HSF4: variants seen among roughly 807,000 people sequenced by gnomAD.
HSF4 encodes heat shock factor protein 4.
Under a neutral mutation model 52.0 loss-of-function variants are expected in HSF4, and 41 were observed. That is an observed-to-expected ratio of 0.79 (90% CI 0.61 to 1.02). The LOEUF (loss-of-function observed/expected upper bound fraction) is 1.02. Ranked by LOEUF, HSF4 falls within the 50% of genes least tolerant of loss-of-function variation. The pLI is 0.00. For synonymous variants in HSF4, 285 were observed against 273.0 expected, an observed-to-expected ratio of 1.04 and a Z score of -0.43; for missense variants, 610 against 651.1, an observed-to-expected ratio of 0.94 and a Z score of 0.69.
upstream of HSF4, chr16:67,163,872 A>T: frequency 7.5e-7 from 1 of 1,338,742 alleles, no homozygotes; most frequent in Non-Finnish European, 9.5e-7. Flanking sequence ...CTGAGAGGGA[A>T]CGGGGGGGGT....
Position 67,168,880 on chromosome 16 carries a change from C to T in HSF4, c.1132C>T (p.Pro378Ser), listed in dbSNP as rs183968834. 73 of 1,614,040 alleles carry T rather than the reference C, an allele frequency of 4.5e-5. No homozygotes were observed. In the African/African-American group the frequency reaches 8.9e-4, roughly 20 times the overall value. Residue 378 changes from proline (P) to serine (S), a missense_variant, in exon 10 of 13, where the codon CCT becomes TCT. By Grantham distance (74) the Pro-to-Ser change is moderately conservative. Coordinates refer to ENST00000521374, the MANE Select transcript of HSF4 (RefSeq NM_001374675.1). The part of the protein sequence containing the change: ...SGDRSPESLL[P>S]PMLLQPPQES... ...GGACAGGAGCCCAGAGAGTCTGCTGCCTCCGATGCTGCTTCAGCCCCCTCA... is the reference window on the plus strand; with the variant it reads ...GGACAGGAGCCCAGAGAGTCTGCTGTCTCCGATGCTGCTTCAGCCCCCTCA...
chr16:67,165,849 G>A lies in HSF4; in HGVS notation c.360+3G>A, dbSNP rs749340564. The stretch of plus-strand genomic sequence containing the variant: ...TACTGGAGCGCGTGCGGCGCAAGGT[G>A]GGGGCGGCCTGCGGGAATGAGCAAA... On this transcript the variant is annotated splice_donor_region_variant and intron_variant, in intron 3 of 12. Transcript: ENST00000521374. This position sits in a 1 kb window ranked among gnomAD's most constrained non-coding sequence, Gnocchi z 6.9. 24 of 1,602,142 alleles carry A rather than the reference G, an allele frequency of 1.5e-5. No homozygotes were observed. The South Asian group carries it at 2.2e-4, about 15-fold the overall frequency.
At chr16:67,164,270 C>T, upstream of HSF4, 1 of 406,656 alleles carries the variant, frequency 2.5e-6, no homozygotes, top group Non-Finnish European at 4.8e-6. Flanking sequence ...GGTTGGGTTT[C>T]CTCAAGAGCC....
At chr16:67,166,512 G>C in intron 5 of HSF4, 46 bp from the exon 6 acceptor site, 1 of 1,609,268 alleles carries the variant, frequency 6.2e-7, no homozygotes, top group Non-Finnish European at 8.5e-7. Flanking sequence ...GCGGGGGTGG[G>C]GGGGCTGTGT....
At chr16:67,163,874 G>GA, upstream of HSF4, 1 of 1,367,318 alleles carries the variant, frequency 7.3e-7, no homozygotes, top group Non-Finnish European at 9.3e-7. Flanking sequence ...GAGAGGGAAC[G>GA]GGGGGGGTGT....
In HSF4 at chr16:67,167,957, G is replaced by T; in HGVS notation, c.1082+10G>T. 1 of 1,567,342 alleles carries T rather than the reference G, an allele frequency of 6.4e-7. No individual in the cohort carries two copies. Among genetic ancestry groups the T allele is most frequent in the Non-Finnish European group, 8.6e-7 (1 of 1,161,446 alleles). On this transcript the variant is annotated intron_variant, in intron 9 of 12. Coordinates refer to ENST00000521374, the MANE Select transcript of HSF4 (RefSeq NM_001374675.1). Reference sequence around the variant, plus strand: ...GGGAGATACCTGACAGGTGAGCAGAGCCCCAGCTGGCCCATGAGCCCTGTG... The same window carrying T: ...GGGAGATACCTGACAGGTGAGCAGATCCCCAGCTGGCCCATGAGCCCTGTG...
At chr16:67,166,452 C>T (rs2031303085) in intron 5 of HSF4, 57 bp downstream of exon 5, 6 of 1,588,628 alleles carry the variant, frequency 3.8e-6, no homozygotes, top group Non-Finnish European at 5.2e-6. Context: ...CCCATTCCAC[C>T]GCCCAGTCCC....
At position 67,164,976 on chromosome 16, in the gene HSF4, T is replaced by TA. The variant is rs771562834; in HGVS notation, c.123+42_123+43insA. Reference sequence around the variant, plus strand: ...CTCGATTCCCCCTGTGGTCCCGGGGTCCCTCCACGTCAGTGAACACCCATG... The same window carrying TA: ...CTCGATTCCCCCTGTGGTCCCGGGGTACCCTCCACGTCAGTGAACACCCATG... On this transcript the variant is annotated intron_variant, in intron 1 of 12. Transcript: ENST00000521374. 6.5e-6 allele frequency: 10 copies of TA among 1,542,244 alleles called. No homozygotes were observed. The Admixed American group carries it at 1.7e-4, about 27-fold the overall frequency.
At chr16:67,168,068 T>C in intron 9 of HSF4, 121 bp downstream of exon 9, 2 of 877,908 alleles carry the variant, frequency 2.3e-6, no homozygotes, top group South Asian at 1.4e-5. Context: ...AGCATCAGAG[T>C]TCTGTGGAAA....
intron 7 of HSF4, 58 bp downstream of exon 7, chr16:67,167,280 TC>T (rs1167848148): frequency 1.9e-6 from 3 of 1,612,396 alleles, no homozygotes; most frequent in Non-Finnish European, 2.5e-6. Flanking sequence ...GAGAGCCTGT[TC>T]CTTCTCCCCA....
In HSF4 at chr16:67,167,861, C is replaced by A; in HGVS notation, c.996C>A (p.Ile332=). Residue 332 remains isoleucine, a synonymous_variant, in exon 9 of 13, where the codon ATC becomes ATA. Transcript: ENST00000521374. ...TGCCTGTGGCTGTGGTGCAGGCCATCCTGGAAGGGAAAGGGAGCTTCAGCC... is the reference window on the plus strand; with the variant it reads ...TGCCTGTGGCTGTGGTGCAGGCCATACTGGAAGGGAAAGGGAGCTTCAGCC... ...PPLPVAVVQA[I]LEGKGSFSPE... 1 of 1,605,862 alleles carries A rather than the reference C, an allele frequency of 6.2e-7. No homozygotes were observed. The highest frequency in any genetic ancestry group is 8.5e-7 in the Non-Finnish European group (1 of 1,176,990).
Position 67,169,286 on chromosome 16 carries a change from C to T in HSF4, c.1262C>T (p.Pro421Leu). The T allele has an allele frequency of 6.2e-7, 1 of 1,613,636 alleles. No individual in the cohort carries two copies. The highest frequency in any genetic ancestry group is 8.5e-7 in the Non-Finnish European group (1 of 1,179,988). Residue 421 changes from proline to leucine, a missense_variant, in exon 12 of 13, where the codon CCC becomes CTC. Coordinates refer to ENST00000521374, the MANE Select transcript of HSF4 (RefSeq NM_001374675.1). The surrounding 1 kb of genome is among the most constrained non-coding windows in gnomAD (Gnocchi z 4.3). ...DLDMELSLMQ[P>L]LVPERGEPEL... ...CCTGCGGTTCTCACGCAGATGCAGC[C>T]CTTGGTTCCAGAGCGGGGTGAGCCT... is the stretch of plus-strand genomic sequence containing the variant.
chr16:67,166,105 T>TGGGGGGGGGGAAAGGGGGGGAAGGGGGG, intron 4 of HSF4, 35 bp downstream of exon 4: 1 of 560,322 alleles, frequency 1.8e-6, no homozygotes, highest in Admixed American at 3.1e-5. Flanking sequence ...GGGACAGGGG[T>TGGGGGGGGGGAAAGGGGGGGAAGGGGGG]GGGGGGTTCG....
intron 6 of HSF4, 95 bp downstream of exon 6, chr16:67,166,717 G>A (rs2031330320): frequency 5.9e-6 from 7 of 1,176,482 alleles, no homozygotes; most frequent in South Asian, 3.7e-5. Flanking sequence ...CTCCTTCACC[G>A]GGAATCCTCA....
chr16:67,163,848 T>C (rs767211282), upstream of HSF4: 1 of 1,521,208 alleles, frequency 6.6e-7, no homozygotes. Flanking sequence ...CCCGTCCCCG[T>C]GGACGTAAGC....
In HSF4 at chr16:67,167,041, G is replaced by A. The variant is rs757715734; in HGVS notation, c.627-79G>A. ...GCTGACTTGGCTGCTGGGGCCTGAG[G>A]GAGGGAGGGAAGTGCAGGCCGAGGT... On this transcript the variant is annotated intron_variant, in intron 6 of 12. Coordinates refer to ENST00000521374, the MANE Select transcript of HSF4 (RefSeq NM_001374675.1). 953 of 1,589,416 alleles carry A rather than the reference G, an allele frequency of 6.0e-4. 1 individual carries two copies. The highest frequency in any genetic ancestry group is 7.6e-4 in the Non-Finnish European group (877 of 1,160,504).
rs201964173 is a variant in HSF4 at position 67,169,059 on chromosome 16, G to A, written c.1212G>A (p.Gly404=). The part of the protein sequence containing the change: ...PLDVLGPSLQ[G]REWTLMDLDM... ...AGGTGCTGGGCCCCAGTCTCCAAGG[G>A]CGAGAATGGACCCTGATGGACTTGG... Residue 404 remains glycine (G), a synonymous_variant, in exon 11 of 13, where the codon GGG becomes GGA. Transcript: ENST00000521374. The surrounding 1 kb of genome is among the most constrained non-coding windows in gnomAD (Gnocchi z 4.3). 2 of 1,613,858 alleles carry A rather than the reference G, an allele frequency of 1.2e-6. No homozygotes were observed. Among genetic ancestry groups the A allele is most frequent in the East Asian group, 4.5e-5 (2 of 44,884 alleles).
At chr16:67,164,055 C>T (rs542997883), upstream of HSF4, 1 of 710,364 alleles carries the variant, frequency 1.4e-6, no homozygotes, top group Non-Finnish European at 2.5e-6. Flanking sequence ...CACTGCCCCC[C>T]TCTCTTGCCT....
upstream of HSF4, chr16:67,163,924 G>A (rs1319625931): frequency 2.0e-6 from 3 of 1,487,540 alleles, no homozygotes; most frequent in Non-Finnish European, 2.7e-6. Context: ...TTTTGGGATT[G>A]TTGCCCCCCG....
Sources: gnomAD v4.1 joint callset for allele counts on GRCh38, gnomAD v4.1.1 for gene constraint, Gnocchi (gnomAD v3.1) non-coding constraint, MANE v1.5 for transcripts, NCBI Gene and HGNC (gene_info 2026-07-23, HGNC 2026-07-21) for gene names.